Variants in MTUS2 observed in about 807,000 individuals in gnomAD.
The protein encoded by MTUS2 is microtubule associated scaffold protein 2, also known as microtubule-associated tumor suppressor candidate 2.
MTUS2 carries 40 observed loss-of-function variants against 114.1 expected under a neutral mutation model. The ratio of observed to expected loss-of-function variants is 0.35; its 90% CI spans 0.27 to 0.46. The LOEUF is 0.46. Among genes scored for constraint, MTUS2 ranks in the 20% least tolerant of loss-of-function variants. The pLI, the probability that MTUS2 is intolerant of heterozygous loss-of-function variation, is 1.00. For missense variants in MTUS2, 1,679 were observed against 1,705.4 expected (o/e 0.98, Z 0.27); for synonymous variants, 688 against 672.0 (o/e 1.02, Z -0.37).
At chr13:29,123,288 A>G (rs985304702) in intron 5 of MTUS2, among the ~76,000 whole-genome samples, 2 of 151,764 alleles carry the variant, frequency 1.3e-5, no homozygotes, top group African/African-American at 4.8e-5. Flanking sequence ...TTTCATAGGT[A>G]GTTTAAATAC....
chr13:29,054,443 A>G (rs1055564571), intron 4 of MTUS2, among the ~76,000 whole-genome samples: 8 of 152,076 alleles, frequency 5.3e-5, no homozygotes, highest in African/African-American at 1.7e-4. Flanking sequence ...CATGTACCTT[A>G]CTTAAATAAG....
At chr13:29,064,382 G>A (rs1238312984) in intron 4 of MTUS2, among the ~76,000 whole-genome samples, 3 of 112,808 alleles carry the variant, frequency 2.7e-5, no homozygotes, top group East Asian at 2.7e-4. Flanking sequence ...GCCAGTCTAC[G>A]TTTGGAGGTT....
chr13:29,143,592 A>G (rs560619219), intron 5 of MTUS2, among the ~76,000 whole-genome samples: 1 of 152,294 alleles, frequency 6.6e-6, no homozygotes, highest in East Asian at 1.9e-4. Flanking sequence ...TTAGATTTTA[A>G]TTGGTTCAGA....
intron 6 of MTUS2, among the ~76,000 whole-genome samples, chr13:29,306,585 A>C (rs2139625027): frequency 6.6e-6 from 1 of 152,352 alleles, no homozygotes; most frequent in East Asian, 1.9e-4. Context: ...CAACAAGGCG[A>C]ATGAAGGACC....
intron 2 of MTUS2, among the ~76,000 whole-genome samples, chr13:29,015,365 C>T (rs184806325): frequency 5.9e-5 from 9 of 152,094 alleles, no homozygotes; most frequent in East Asian, 1.9e-4. Flanking sequence ...AGGGATGGAG[C>T]GGGAAGTGGG....
intron 8 of MTUS2, among the ~76,000 whole-genome samples, chr13:29,389,536 CGT>C (rs1555272543): frequency 1.3e-5 from 1 of 77,682 alleles, no homozygotes; most frequent in Non-Finnish European, 2.5e-5. Context: ...TATGTATACA[CGT>C]GTGTATATGT....
intron 9 of MTUS2, among the ~76,000 whole-genome samples, chr13:29,461,521 A>G (rs1879494452): frequency 6.6e-6 from 1 of 152,248 alleles, no homozygotes; most frequent in African/African-American, 2.4e-5. Flanking sequence ...AGTGCATATC[A>G]AAGTACATTC....
chr13:29,036,001 G>A (rs1047691479), intron 4 of MTUS2, among the ~76,000 whole-genome samples: 1 of 151,740 alleles, frequency 6.6e-6, no homozygotes, highest in Non-Finnish European at 1.5e-5. Flanking sequence ...AAAATTAGCT[G>A]GACTTGGGGG....
At chr13:29,137,121 T>C (rs534009963) in intron 5 of MTUS2, among the ~76,000 whole-genome samples, 1 of 152,224 alleles carries the variant, frequency 6.6e-6, no homozygotes, top group Non-Finnish European at 1.5e-5. Flanking sequence ...TGCTGCATCC[T>C]TATAAGAACT....
At chr13:29,065,452 C>T (rs1188646941) in intron 4 of MTUS2, among the ~76,000 whole-genome samples, 2 of 151,774 alleles carry the variant, frequency 1.3e-5, no homozygotes, top group African/African-American at 2.4e-5. Context: ...CTGTTCATAT[C>T]GTTTGCATGC....
chr13:29,114,989 A>G (rs974375423), intron 5 of MTUS2, among the ~76,000 whole-genome samples: 2 of 152,320 alleles, frequency 1.3e-5, no homozygotes, highest in African/African-American at 4.8e-5. Context: ...AGAGCTATTA[A>G]ATTACTGTAG....
chr13:29,037,062 CTGGT>C (rs1887113288), intron 4 of MTUS2, among the ~76,000 whole-genome samples: 1 of 152,102 alleles, frequency 6.6e-6, no homozygotes, highest in Admixed American at 6.5e-5. Flanking sequence ...ATGATGCTGG[CTGGT>C]TATTTTGCCT....
At chr13:29,000,666 G>C (rs55740769) in intron 2 of MTUS2, among the ~76,000 whole-genome samples, 297 of 152,232 alleles carry the variant, frequency 2.0e-3, no homozygotes, top group African/African-American at 6.5e-3. Context: ...GTGCCTGGCC[G>C]ACAGTGTTTT....
At chr13:28,951,102 A>G (rs974389288) in intron 2 of MTUS2, among the ~76,000 whole-genome samples, 2 of 152,238 alleles carry the variant, frequency 1.3e-5, no homozygotes, top group East Asian at 1.9e-4. Flanking sequence ...GCAAAGTACC[A>G]GGATGCAAAA....
chr13:28,976,587 G>A (rs373858693), intron 2 of MTUS2, among the ~76,000 whole-genome samples: 10 of 152,190 alleles, frequency 6.6e-5, no homozygotes, highest in African/African-American at 2.4e-4. Flanking sequence ...AGGGAGGGAT[G>A]AGGAGCTACA....
intron 2 of MTUS2, among the ~76,000 whole-genome samples, chr13:28,875,527 T>C (rs1393006324): frequency 6.6e-6 from 1 of 152,242 alleles, no homozygotes. Context: ...TTAATGTTTA[T>C]TTTTAAAAGA....
At chr13:28,954,508 G>A (rs1882966889) in intron 2 of MTUS2, among the ~76,000 whole-genome samples, 2 of 152,354 alleles carry the variant, frequency 1.3e-5, no homozygotes, top group African/African-American at 4.8e-5. Flanking sequence ...AGAATTAGGA[G>A]GGAGGGTGTG....
At chr13:29,252,289 C>T (rs533197768) in intron 5 of MTUS2, among the ~76,000 whole-genome samples, 3 of 152,214 alleles carry the variant, frequency 2.0e-5, no homozygotes, top group South Asian at 4.1e-4. Flanking sequence ...CCATGAAATA[C>T]TCGTTCCCGT....
intron 2 of MTUS2, among the ~76,000 whole-genome samples, chr13:28,966,792 A>T (rs1229906724): frequency 6.6e-6 from 1 of 151,884 alleles, no homozygotes; most frequent in South Asian, 2.1e-4. Context: ...CAAACTGGGA[A>T]GGTTTAGCGT....
Sources: allele counts gnomAD v4.1 joint callset (sites outside exome capture counted in the v4.1 genomes callset), GRCh38; gene constraint gnomAD v4.1.1; transcripts MANE v1.5; gene names NCBI Gene and HGNC (gene_info 2026-07-23, HGNC 2026-07-21).